The following PBX1 variants were observed in gnomAD, a reference collection of about 807,000 sequenced individuals.
PBX1 encodes the protein pre-B-cell leukemia transcription factor 1.
Under a neutral mutation model 53.4 loss-of-function variants are expected in PBX1, and 6 were observed. The observed-to-expected ratio is 0.11, with a 90% CI of 0.06 to 0.22. The LOEUF (loss-of-function observed/expected upper bound fraction) is 0.22. Ranked by LOEUF, PBX1 falls within the 10% of genes least tolerant of loss-of-function variation. The probability of loss-of-function intolerance (pLI) is 1.00; values close to 1 mark genes in which losing one functional copy is unlikely to be tolerated. For synonymous variants in PBX1, 204 were observed against 212.3 expected (o/e 0.96, Z 0.34); for missense variants, 251 against 551.4 (o/e 0.46, Z 5.46).
At chr1:164,875,343 C>T (rs1228618196) in intron 2 of PBX1, among the ~76,000 whole-genome samples, 1 of 152,076 alleles carries the variant, frequency 6.6e-6, no homozygotes, top group East Asian at 1.9e-4. Flanking sequence ...CACTCTGTTG[C>T]CCAGGCTAGA....
intron 2 of PBX1, among the ~76,000 whole-genome samples, chr1:164,748,112 A>G (rs1000580509): frequency 6.6e-6 from 1 of 152,200 alleles, no homozygotes; most frequent in African/African-American, 2.4e-5. Context: ...ACAGCTAATT[A>G]TACAAGCAGA....
chr1:164,694,089 G>A (rs958894840), intron 2 of PBX1, among the ~76,000 whole-genome samples: 6 of 140,920 alleles, frequency 4.3e-5, no homozygotes, highest in African/African-American at 1.6e-4. Context: ...AACTTCTAGA[G>A]TGCTTTGTTT....
intron 2 of PBX1, among the ~76,000 whole-genome samples, chr1:164,677,800 G>A (rs1425182506): frequency 6.6e-6 from 1 of 152,122 alleles, no homozygotes; most frequent in Non-Finnish European, 1.5e-5. Flanking sequence ...CAAGGGAAGA[G>A]GGTGACAATG....
chr1:164,700,231 G>A (rs920760873), intron 2 of PBX1, among the ~76,000 whole-genome samples: 1 of 152,056 alleles, frequency 6.6e-6, no homozygotes, highest in South Asian at 2.1e-4. Context: ...GTGTAGAGGA[G>A]TGGAGGCAAA....
chr1:164,688,394 AT>A (rs1662254850), intron 2 of PBX1, among the ~76,000 whole-genome samples: 1 of 152,228 alleles, frequency 6.6e-6, no homozygotes, highest in African/African-American at 2.4e-5. Context: ...AGAACTTTTA[AT>A]AAAGTTGCAG....
At chr1:164,613,959 T>C (rs889477113) in intron 2 of PBX1, among the ~76,000 whole-genome samples, 2 of 152,062 alleles carry the variant, frequency 1.3e-5, no homozygotes, top group Admixed American at 1.3e-4. Context: ...CATGTACTTA[T>C]TGCTTTGCTA....
At chr1:164,883,174 A>G (rs1292743404) in intron 2 of PBX1, among the ~76,000 whole-genome samples, 1 of 152,162 alleles carries the variant, frequency 6.6e-6, no homozygotes, top group African/African-American at 2.4e-5. Flanking sequence ...TCTGAGGAGG[A>G]CTAGAGAAAG....
chr1:164,734,065 T>C (rs1571308102), intron 2 of PBX1, among the ~76,000 whole-genome samples: 1 of 152,242 alleles, frequency 6.6e-6, no homozygotes, highest in African/African-American at 2.4e-5. Flanking sequence ...ATGTGTGCTC[T>C]GTATTTTTCA....
intron 2 of PBX1, among the ~76,000 whole-genome samples, chr1:164,737,443 T>C (rs1221832010): frequency 2.0e-5 from 3 of 152,174 alleles, no homozygotes; most frequent in Non-Finnish European, 4.4e-5. Flanking sequence ...TGAGTTTTGA[T>C]AAACATTTTT....
At chr1:164,583,452 T>C (rs1182733531) in intron 2 of PBX1, among the ~76,000 whole-genome samples, 1 of 151,342 alleles carries the variant, frequency 6.6e-6, no homozygotes, top group Non-Finnish European at 1.5e-5. Flanking sequence ...GAGAGGGGAG[T>C]GGGGCCCCTC....
intron 2 of PBX1, among the ~76,000 whole-genome samples, chr1:164,577,882 C>T (rs888146441): frequency 5.9e-5 from 9 of 152,140 alleles, no homozygotes; most frequent in Non-Finnish European, 1.2e-4. Context: ...GGGGAGAGGA[C>T]GAAAGGGTTA....
chr1:164,628,251 C>A (rs1658177777), intron 2 of PBX1, among the ~76,000 whole-genome samples: 1 of 152,178 alleles, frequency 6.6e-6, no homozygotes, highest in Non-Finnish European at 1.5e-5. Flanking sequence ...TCTAATGAGA[C>A]TATAAATCAG....
chr1:164,817,771 T>A (rs149220301), intron 6 of PBX1: 1 of 152,368 alleles, frequency 6.6e-6, no homozygotes, highest in East Asian at 1.9e-4. Flanking sequence ...TCATTGGACA[T>A]CATGTAGCCC....
At chr1:164,766,170 T>C (rs1444801999) in intron 2 of PBX1, among the ~76,000 whole-genome samples, 1 of 152,068 alleles carries the variant, frequency 6.6e-6, no homozygotes, top group Non-Finnish European at 1.5e-5. Context: ...ATCCAGAAGC[T>C]GAGAAGGGGG....
chr1:164,601,371 AAGG>A (rs1237846406), intron 2 of PBX1, among the ~76,000 whole-genome samples: 2 of 152,086 alleles, frequency 1.3e-5, no homozygotes, highest in Non-Finnish European at 1.5e-5. Context: ...ATGAAACAGA[AAGG>A]AGGAAGGTAA....
chr1:164,771,034 C>G (rs990060462), intron 2 of PBX1: 2 of 152,082 alleles, frequency 1.3e-5, no homozygotes, highest in Admixed American at 6.5e-5. Context: ...TACCCTTCCT[C>G]TACCGTTTTC....
chr1:164,744,214 CAT>C (rs1463523603), intron 2 of PBX1, among the ~76,000 whole-genome samples: 6 of 152,296 alleles, frequency 3.9e-5, no homozygotes, highest in African/African-American at 1.2e-4. Flanking sequence ...AATTCAAAAT[CAT>C]GTGTCTGACT....
chr1:164,837,013 G>A (rs960941755), intron 8 of PBX1, among the ~76,000 whole-genome samples: 2 of 152,060 alleles, frequency 1.3e-5, no homozygotes, highest in Admixed American at 1.3e-4. Flanking sequence ...CTCTTTACAC[G>A]GCATGTCATT....
chr1:164,776,251 T>C lies in PBX1; in HGVS notation c.266-16243T>C, dbSNP rs1667638557. 5.3e-5 allele frequency among the ~76,000 whole-genome samples: 8 copies of C among 152,316 alleles called. No individual in the cohort carries two copies. The South Asian group carries it at 1.7e-3, about 32-fold the overall frequency. The stretch of plus-strand genomic sequence containing the variant: ...ACGTGGGTTCCTTCCCAGGTACCTT[T>C]CTTGCCTTTCTTTCTAGGAAGCAGA... On this transcript the variant is annotated intron_variant, in intron 2 of 8. Transcript: ENST00000420696.
Sources: gnomAD v4.1 joint callset for allele counts (sites outside exome capture counted in the v4.1 genomes callset) on GRCh38, gnomAD v4.1.1 for gene constraint, MANE v1.5 for transcripts, NCBI Gene and HGNC (gene_info 2026-07-23, HGNC 2026-07-21) for gene names.